The following NMU variants were observed in gnomAD, a reference collection of about 807,000 sequenced individuals.
NMU encodes the protein neuromedin-U.
NMU carries 29 observed loss-of-function variants against 35.4 expected under a neutral mutation model. The ratio of observed to expected loss-of-function variants is 0.82; its 90% CI spans 0.61 to 1.12. NMU has a LOEUF of 1.12. Among genes scored for constraint, NMU ranks in the 50% most tolerant of loss-of-function variants. NMU has a pLI of 0.00. For missense variants in NMU, 199 were observed against 206.2 expected (o/e 0.97, Z 0.21); for synonymous variants, 78 against 81.3 (o/e 0.96, Z 0.22).
chr4:55,614,787 T>A (rs1388373804), intron 3 of NMU, among the ~76,000 whole-genome samples: 1 of 152,200 alleles, frequency 6.6e-6, no homozygotes. Context: ...TTGAGGATGT[T>A]CCTGAATTTT....
chr4:55,629,975 A>G (rs1734692076), intron 2 of NMU, among the ~76,000 whole-genome samples: 1 of 151,984 alleles, frequency 6.6e-6, no homozygotes, highest in Non-Finnish European at 1.5e-5. Context: ...TTTGAATTCT[A>G]TTTGATGAGA....
At chr4:55,609,355 CT>C in intron 3 of NMU, among the ~76,000 whole-genome samples, 176 bp from the exon 4 acceptor site, 1 of 150,294 alleles carries the variant, frequency 6.7e-6, no homozygotes, top group East Asian at 2.0e-4. Context: ...AAAAACTTGG[CT>C]GTAAAAGTAA....
At position 55,607,334 on chromosome 4, in the gene NMU, A is replaced by G; in HGVS notation, c.324T>C (p.Tyr108=). The change falls in exon 6 of 10, where the codon TAT becomes TAC. Residue 108 remains tyrosine, a synonymous_variant. Coordinates refer to ENST00000264218, the MANE Select transcript of NMU (RefSeq NM_006681.4). The stretch of plus-strand genomic sequence containing the variant: ...ACTTGCCCAACTTCTGTGTCTTCGA[A>G]TAATGAAATAAGAACTGTTTAAAAA... The part of the protein sequence containing the change: ...KDNTKRFLFH[Y]SKTQKLGKSN... 6.2e-7 allele frequency: 1 copy of G among 1,607,356 alleles called. No individual in the cohort carries two copies.
chr4:55,595,988 C>A (rs571608485), intron 9 of NMU, among the ~76,000 whole-genome samples: 1 of 152,152 alleles, frequency 6.6e-6, no homozygotes, highest in South Asian at 2.1e-4. Flanking sequence ...TCTAATGGAA[C>A]ACTTATTCTG....
chr4:55,609,261 G>GTTA, intron 3 of NMU, 82 bp from the exon 4 acceptor site: 2 of 1,054,394 alleles, frequency 1.9e-6, no homozygotes, highest in Non-Finnish European at 3.0e-6. Context: ...AAATGTTAGG[G>GTTA]GCATGAGGAA....
chr4:55,610,619 C>T (rs1733895738), intron 3 of NMU, among the ~76,000 whole-genome samples: 1 of 152,210 alleles, frequency 6.6e-6, no homozygotes, highest in African/African-American at 2.4e-5. Flanking sequence ...CCCTTCCTAG[C>T]ATCAGAGGCC....
chr4:55,595,640 TATA>T (rs200792379), intron 9 of NMU, among the ~76,000 whole-genome samples: 9,657 of 93,442 alleles, frequency 0.1, 575 homozygotes, highest in African/African-American at 0.21. Context: ...TATATATATA[TATA>T]TTTTTTTTTT....
intron 9 of NMU, among the ~76,000 whole-genome samples, chr4:55,598,095 T>C (rs1733269509): frequency 6.9e-6 from 1 of 144,210 alleles, no homozygotes; most frequent in African/African-American, 2.5e-5. Flanking sequence ...TGTGGTTTTT[T>C]TTTTTTTTTT....
chr4:55,597,805 C>T (rs1339080263), intron 9 of NMU, among the ~76,000 whole-genome samples: 1 of 152,176 alleles, frequency 6.6e-6, no homozygotes, highest in Non-Finnish European at 1.5e-5. Flanking sequence ...GGTTTCCAAA[C>T]TGATGTGTAG....
In NMU at chr4:55,636,171, G is replaced by A. The variant is rs903026288; in HGVS notation, c.22C>T (p.Arg8Cys). The A allele has an allele frequency of 1.3e-5, 19 of 1,509,138 alleles. No individual in the cohort carries two copies. The highest frequency in any genetic ancestry group is 1.7e-5 in the Non-Finnish European group (19 of 1,136,376). The allele number at this position is 1,509,138 out of a possible 1,614,324, so 93.5% of individuals were successfully genotyped here. A position where few individuals can be genotyped will look rare whatever the true frequency, so the allele number is the denominator to read the frequency against. The change falls in exon 1 of 10, where the codon CGC becomes TGC. Residue 8 changes from arginine (R) to cysteine (C), a missense_variant. Transcript: ENST00000264218. The surrounding 1 kb of genome is among the most constrained non-coding windows in gnomAD (Gnocchi z 4.0). ...ACCTGTCCGGCGGGCGACCTGGGGCGGCAGCTCTCTGTTCGCAGCATCTCG... is the reference window on the plus strand; with the variant it reads ...ACCTGTCCGGCGGGCGACCTGGGGCAGCAGCTCTCTGTTCGCAGCATCTCG... MLRTESC[R>C]PRSPAGQVAA... is the part of the protein sequence containing the mutation.
In NMU at chr4:55,636,106, GAGCAGC is replaced by G. The variant is rs3838644; in HGVS notation, c.81_86del (p.Leu28_Leu29del). ...CTCGGCAGGCGCCCGCGCACCAGGC[GAGCAGC>G]AGCAGCAGCAGCAGGAGCGGGGACG... On this transcript the variant is annotated inframe_deletion, in exon 1 of 10. Coordinates refer to ENST00000264218, the MANE Select transcript of NMU (RefSeq NM_006681.4). This position sits in a 1 kb window ranked among gnomAD's most constrained non-coding sequence, Gnocchi z 4.0. 2 of 1,514,440 alleles carry G rather than the reference GAGCAGC, an allele frequency of 1.3e-6. No individual in the cohort carries two copies. Among genetic ancestry groups the G allele is most frequent in the African/African-American group, 2.8e-5 (2 of 71,944 alleles). 93.8% of individuals were successfully genotyped at this position (1,514,440 alleles called of 1,614,324 possible).
At chr4:55,629,373 C>CA (rs1290047320) in intron 2 of NMU, among the ~76,000 whole-genome samples, 1 of 151,702 alleles carries the variant, frequency 6.6e-6, no homozygotes, top group African/African-American at 2.4e-5. Context: ...GTAATCCCAG[C>CA]ACTTTGGGAG....
chr4:55,607,332 G>C lies in NMU; in HGVS notation c.326C>G (p.Ser109Trp), dbSNP rs555847482. The C allele has an allele frequency of 5.0e-6, 8 of 1,606,712 alleles. No individual in the cohort carries two copies. The highest frequency in any genetic ancestry group is 2.2e-5 in the South Asian group (2 of 90,806). Residue 109 changes from serine (S) to tryptophan (W), a missense_variant, in exon 6 of 10, where the codon TCG becomes TGG. Transcript: ENST00000264218. ...TGACTTGCCCAACTTCTGTGTCTTC[G>C]AATAATGAAATAAGAACTGTTTAAA... ...DNTKRFLFHY[S>W]KTQKLGKSNV...
chr4:55,618,837 TTCTCTCTCTTTCTTTCTTC>T (rs1560522393), intron 2 of NMU, among the ~76,000 whole-genome samples: 2 of 151,128 alleles, frequency 1.3e-5, no homozygotes, highest in Non-Finnish European at 3.0e-5. Context: ...CTTCTTTCTT[TTCTCTCTCTTTCTTTCTTC>T]TCTCTCTCTT....
Position 55,636,094 on chromosome 4 carries a change from C to T in NMU, c.99G>A (p.Ala33=). Reference sequence around the variant, plus strand: ...GGGCCGTCTTACCTCGGCAGGCGCCCGCGCACCAGGCGAGCAGCAGCAGCA... The same window carrying T: ...GGGCCGTCTTACCTCGGCAGGCGCCTGCGCACCAGGCGAGCAGCAGCAGCA... The part of the protein sequence containing the change: ...LLLLLLLAWC[A]GACRGAPILP... The change falls in exon 1 of 10, where the codon GCG becomes GCA. Residue 33 remains alanine, a synonymous_variant. Transcript: ENST00000264218. The surrounding 1 kb of genome is among the most constrained non-coding windows in gnomAD (Gnocchi z 4.0). The T allele has an allele frequency of 2.0e-6, 3 of 1,530,890 alleles. No homozygotes were observed. Among genetic ancestry groups the T allele is most frequent in the Non-Finnish European group, 2.6e-6 (3 of 1,145,088 alleles). 94.8% of individuals were successfully genotyped at this position (1,530,890 alleles called of 1,614,324 possible). A position where few individuals can be genotyped will look rare whatever the true frequency, so the allele number is the denominator to read the frequency against.
chr4:55,599,776 C>T (rs1328553090), intron 8 of NMU, among the ~76,000 whole-genome samples: 1 of 152,166 alleles, frequency 6.6e-6, no homozygotes, highest in Non-Finnish European at 1.5e-5. Context: ...GAATTAAATG[C>T]TTTTCTTTTG....
intron 3 of NMU, among the ~76,000 whole-genome samples, chr4:55,611,392 A>G (rs1344952656): frequency 6.6e-6 from 1 of 152,206 alleles, no homozygotes; most frequent in Non-Finnish European, 1.5e-5. Flanking sequence ...AGTTTATAAA[A>G]GTAAAAAAGT....
At chr4:55,627,169 CTGG>C (rs1734564328) in intron 2 of NMU, among the ~76,000 whole-genome samples, 1 of 152,254 alleles carries the variant, frequency 6.6e-6, no homozygotes, top group South Asian at 2.1e-4. Context: ...ATGACAGGTA[CTGG>C]TGGTGACTGC....
chr4:55,629,061 A>G (rs1734657059), intron 2 of NMU, among the ~76,000 whole-genome samples: 1 of 152,116 alleles, frequency 6.6e-6, no homozygotes, highest in Admixed American at 6.6e-5. Context: ...CCAAAATACT[A>G]TATATATCCA....
Sources: allele counts gnomAD v4.1 joint callset (sites outside exome capture counted in the v4.1 genomes callset), GRCh38; gene constraint gnomAD v4.1.1; non-coding constraint Gnocchi (gnomAD v3.1); transcripts MANE v1.5; gene names NCBI Gene and HGNC (gene_info 2026-07-23, HGNC 2026-07-21).